Variants in LRP1B observed in about 807,000 individuals in gnomAD.
LRP1B encodes low-density lipoprotein receptor-related protein 1B.
In LRP1B, 217 loss-of-function variants were observed where a neutral mutation model predicts 556.6. The ratio of observed to expected loss-of-function variants is 0.39; its 90% CI spans 0.35 to 0.44. LRP1B has a LOEUF of 0.44. Ranked by LOEUF, LRP1B falls within the 20% of genes least tolerant of loss-of-function variation. LRP1B has a pLI of 1.00. For synonymous variants in LRP1B, 2,047 were observed against 1,865.8 expected, an observed-to-expected ratio of 1.10 and a Z score of -2.50; for missense variants, 5,053 against 5,620.8, an observed-to-expected ratio of 0.90 and a Z score of 3.23.
chr2:140,671,538 A>G (rs1341048843), intron 41 of LRP1B, among the ~76,000 whole-genome samples: 5 of 151,780 alleles, frequency 3.3e-5, no homozygotes, highest in African/African-American at 1.2e-4. Context: ...CAAACAAACA[A>G]AAAACATCCG....
chr2:140,365,331 T>C (rs1440842583), intron 71 of LRP1B, among the ~76,000 whole-genome samples: 5 of 151,710 alleles, frequency 3.3e-5, no homozygotes, highest in Non-Finnish European at 5.9e-5. Flanking sequence ...GGGTTCTTTT[T>C]AAATAAAAGT....
intron 41 of LRP1B, among the ~76,000 whole-genome samples, chr2:140,660,096 T>G (rs188815970): frequency 1.7e-3 from 253 of 152,072 alleles, no homozygotes; most frequent in Non-Finnish European, 2.7e-3. Flanking sequence ...TTATTAGAAA[T>G]CCCTTACAAC....
At chr2:141,912,145 A>C (rs897169631) in intron 1 of LRP1B, among the ~76,000 whole-genome samples, 16 of 152,112 alleles carry the variant, frequency 1.1e-4, no homozygotes. Flanking sequence ...AGTTTTATGC[A>C]CATCTTTTTG....
intron 86 of LRP1B, among the ~76,000 whole-genome samples, chr2:140,253,100 C>T (rs6745908): frequency 0.61 from 93,115 of 151,756 alleles, 29,434 homozygotes; most frequent in Non-Finnish European, 0.7. Flanking sequence ...CTTAAAGTAG[C>T]ATCTTAAATT....
chr2:141,323,936 C>CACAT (rs1687339038), intron 3 of LRP1B, among the ~76,000 whole-genome samples: 1 of 147,220 alleles, frequency 6.8e-6, no homozygotes, highest in African/African-American at 2.5e-5. Flanking sequence ...CACACACACA[C>CACAT]ACATCTGAAC....
At chr2:141,136,915 A>G (rs1196938100) in intron 7 of LRP1B, among the ~76,000 whole-genome samples, 1 of 151,936 alleles carries the variant, frequency 6.6e-6, no homozygotes, top group Non-Finnish European at 1.5e-5. Flanking sequence ...AAATGCATTT[A>G]TATCTGGTAT....
At chr2:141,139,542 C>A (rs879315271) in intron 7 of LRP1B, among the ~76,000 whole-genome samples, 2 of 150,526 alleles carry the variant, frequency 1.3e-5, no homozygotes, top group Non-Finnish European at 1.5e-5. Context: ...AGGGCAAAGG[C>A]CAAAAAGGGC....
At chr2:141,498,243 AG>A (rs1452267821) in intron 2 of LRP1B, among the ~76,000 whole-genome samples, 2 of 142,666 alleles carry the variant, frequency 1.4e-5, no homozygotes, top group Non-Finnish European at 3.1e-5. Context: ...AACAAAAAAC[AG>A]GAAGACTTTG....
intron 41 of LRP1B, among the ~76,000 whole-genome samples, chr2:140,644,248 T>C (rs1559027467): frequency 6.6e-6 from 1 of 152,172 alleles, no homozygotes. Flanking sequence ...TAAATGTATA[T>C]CTATTAATAT....
intron 2 of LRP1B, among the ~76,000 whole-genome samples, chr2:141,759,572 C>T (rs1301691989): frequency 6.6e-6 from 1 of 152,050 alleles, no homozygotes; most frequent in Non-Finnish European, 1.5e-5. Context: ...CAAAATAAAT[C>T]TGTGATTAAA....
chr2:141,822,797 G>A (rs1200446302), intron 1 of LRP1B, among the ~76,000 whole-genome samples: 1 of 152,130 alleles, frequency 6.6e-6, no homozygotes, highest in African/African-American at 2.4e-5. Flanking sequence ...TAGGCACTAA[G>A]AATATAATGA....
At chr2:141,483,213 T>C (rs1277402338) in intron 2 of LRP1B, among the ~76,000 whole-genome samples, 2 of 148,496 alleles carry the variant, frequency 1.3e-5, no homozygotes, top group African/African-American at 2.5e-5. Flanking sequence ...ACATGCGGTG[T>C]TTGGTTTTTT....
chr2:141,714,769 T>A (rs1692513318), intron 2 of LRP1B, among the ~76,000 whole-genome samples: 1 of 152,130 alleles, frequency 6.6e-6, no homozygotes, highest in South Asian at 2.1e-4. Flanking sequence ...CCAAATCATC[T>A]AGAATGTCAA....
At chr2:140,614,467 A>G (rs1478506078) in intron 41 of LRP1B, among the ~76,000 whole-genome samples, 1 of 152,174 alleles carries the variant, frequency 6.6e-6, no homozygotes, top group Non-Finnish European at 1.5e-5. Flanking sequence ...TTAAAGGAAG[A>G]GTTGAAGATA....
intron 50 of LRP1B, 87 bp downstream of exon 50, chr2:140,516,802 G>A (rs1361167701): frequency 6.7e-6 from 8 of 1,201,018 alleles, no homozygotes; most frequent in Non-Finnish European, 9.4e-6. Flanking sequence ...AGCTGACAAT[G>A]TTTTGTATAA....
chr2:141,801,475 A>T (rs561102559), intron 2 of LRP1B, among the ~76,000 whole-genome samples: 6 of 152,052 alleles, frequency 3.9e-5, no homozygotes, highest in Non-Finnish European at 7.4e-5. Context: ...TTGTAACGAG[A>T]TAGCTTTGCA....
intron 25 of LRP1B, among the ~76,000 whole-genome samples, chr2:140,870,258 A>AGGTTCTGCCCTTCACCTTTCTG (rs1409698250): frequency 6.6e-5 from 10 of 152,198 alleles, no homozygotes; most frequent in Admixed American, 6.5e-4. Flanking sequence ...GTTGACTGTG[A>AGGTTCTGCCCTTCACCTTTCTG]GGTTCTGCCC....
intron 2 of LRP1B, among the ~76,000 whole-genome samples, chr2:141,574,710 A>G (rs561998377): frequency 1.4e-4 from 21 of 152,118 alleles, no homozygotes; most frequent in African/African-American, 4.6e-4. Context: ...GAAAACCCCA[A>G]CATCTCAGCC....
intron 41 of LRP1B, among the ~76,000 whole-genome samples, chr2:140,615,485 G>A (rs925282831): frequency 5.9e-5 from 9 of 151,954 alleles, no homozygotes; most frequent in East Asian, 1.9e-4. Flanking sequence ...TCAGTGAATC[G>A]GCTCTATCTG....
Sources: allele counts gnomAD v4.1 joint callset (sites outside exome capture counted in the v4.1 genomes callset), GRCh38; gene constraint gnomAD v4.1.1; transcripts MANE v1.5; gene names NCBI Gene and HGNC (gene_info 2026-07-23, HGNC 2026-07-21).